The following CRYBG1 variants were observed in gnomAD, a reference collection of about 807,000 sequenced individuals.
CRYBG1 encodes crystallin beta-gamma domain containing 1.
A neutral mutation model predicts 189.2 loss-of-function variants in CRYBG1; 139 were observed. The ratio of observed to expected loss-of-function variants is 0.73; its 90% CI spans 0.64 to 0.85. The LOEUF (loss-of-function observed/expected upper bound fraction) is 0.85, where lower values mean the gene tolerates loss of function less well. Ranked by LOEUF, CRYBG1 falls within the 40% of genes least tolerant of loss-of-function variation. CRYBG1 has a pLI of 0.00. For synonymous variants in CRYBG1, 1,023 were observed against 1,017.1 expected (o/e 1.01, Z -0.11); for missense variants, 2,611 against 2,675.8 (o/e 0.98, Z 0.53).
intron 1 of CRYBG1, among the ~76,000 whole-genome samples, chr6:106,420,443 T>C (rs929560397): frequency 6.6e-6 from 1 of 152,192 alleles, no homozygotes; most frequent in African/African-American, 2.4e-5. Context: ...TTACATAAGA[T>C]AAACATGTGA....
intron 13 of CRYBG1, among the ~76,000 whole-genome samples, chr6:106,548,975 T>C (rs531655421): frequency 1.4e-5 from 2 of 145,904 alleles, no homozygotes; most frequent in African/African-American, 2.5e-5. Context: ...TTCCCACCTA[T>C]GAGTGAGAAC....
chr6:106,458,213 T>A (rs1049930478), intron 2 of CRYBG1, among the ~76,000 whole-genome samples: 3 of 152,262 alleles, frequency 2.0e-5, no homozygotes, highest in Non-Finnish European at 4.4e-5. Context: ...TCTGATGTGC[T>A]GTAAACTATG....
intron 2 of CRYBG1, among the ~76,000 whole-genome samples, chr6:106,486,658 C>A (rs937270965): frequency 1.3e-5 from 2 of 151,832 alleles, no homozygotes; most frequent in Non-Finnish European, 2.9e-5. Context: ...TGACTCAGTC[C>A]CTTTATCATT....
chr6:106,408,063 C>T (rs1770857510), intron 1 of CRYBG1, among the ~76,000 whole-genome samples: 1 of 152,038 alleles, frequency 6.6e-6, no homozygotes, highest in African/African-American at 2.4e-5. Context: ...AAAAACCCTT[C>T]AGAAAATCAA....
At chr6:106,567,538 G>A (rs1053289810) in intron 21 of CRYBG1, among the ~76,000 whole-genome samples, 14 of 152,134 alleles carry the variant, frequency 9.2e-5, no homozygotes, top group Non-Finnish European at 2.1e-4. Flanking sequence ...ATCCAAGGAG[G>A]AAGCATGCTT....
intron 2 of CRYBG1, among the ~76,000 whole-genome samples, chr6:106,468,172 G>A (rs1266190475): frequency 2.0e-5 from 3 of 152,204 alleles, no homozygotes; most frequent in Admixed American, 6.5e-5. Context: ...GATTTGGCAA[G>A]AAGAAGGATA....
chr6:106,486,180 A>G (rs1772589405), intron 2 of CRYBG1, among the ~76,000 whole-genome samples: 1 of 152,160 alleles, frequency 6.6e-6, no homozygotes, highest in Admixed American at 6.5e-5. Flanking sequence ...TGTCTCAAGA[A>G]ACTTTTAAAT....
At chr6:106,545,285 C>T (rs1647647532) in intron 13 of CRYBG1, among the ~76,000 whole-genome samples, 1 of 152,030 alleles carries the variant, frequency 6.6e-6, no homozygotes, top group Admixed American at 6.5e-5. Flanking sequence ...GGTCAAAGTC[C>T]CAGTAGATTT....
chr6:106,437,600 C>T (rs770338160), intron 1 of CRYBG1, among the ~76,000 whole-genome samples: 1 of 152,084 alleles, frequency 6.6e-6, no homozygotes, highest in East Asian at 1.9e-4. Context: ...TCACACTCAG[C>T]TGATTTTTGT....
intron 1 of CRYBG1, among the ~76,000 whole-genome samples, chr6:106,397,849 C>T (rs894826686): frequency 6.6e-6 from 1 of 152,132 alleles, no homozygotes; most frequent in Non-Finnish European, 1.5e-5. Flanking sequence ...TATATTTTTA[C>T]CTTTTGCTGG....
Position 106,543,593 on chromosome 6 carries a change from G to A in CRYBG1, c.5035G>A (p.Gly1679Ser), listed in dbSNP as rs147230945. 82 of 1,613,460 alleles carry A rather than the reference G, an allele frequency of 5.1e-5. No individual in the cohort carries two copies. The East Asian group carries it at 1.7e-3, about 34-fold the overall frequency. The change falls in exon 11 of 22, where the codon GGC becomes AGC. Residue 1679 changes from glycine (G) to serine (S), a missense_variant. Around this residue, in one of 3 missense-constraint regions of CRYBG1, gnomAD observed 1,622 missense variants for 1,735.0 expected, o/e 0.93. Coordinates refer to ENST00000633556, the MANE Select transcript of CRYBG1 (RefSeq NM_001371242.2). ...TSVGSMKVLRGIWVAYEKPGF... is the reference protein window; with the variant it reads ...TSVGSMKVLRSIWVAYEKPGF... ...AGTGGGGTCTATGAAAGTTCTAAGA[G>A]GCATGTAAGTACATGGGTGACTTGT... is the stretch of plus-strand genomic sequence containing the variant.
rs775674924 is a variant in CRYBG1 at position 106,551,838 on chromosome 6, C to T, written c.5313-14C>T. 1 of 1,610,066 alleles carries T rather than the reference C, an allele frequency of 6.2e-7. No individual in the cohort carries two copies. Among genetic ancestry groups the T allele is most frequent in the Non-Finnish European group, 8.5e-7 (1 of 1,177,122 alleles). ...AAATATGAACTCCAACAAGTGATTG[C>T]TTTTGTTTCTTAGATGGGTAGCCTA... On this transcript the variant is annotated splice_polypyrimidine_tract_variant and intron_variant, in intron 13 of 21. Coordinates refer to ENST00000633556, the MANE Select transcript of CRYBG1 (RefSeq NM_001371242.2).
chr6:106,401,165 A>G (rs1238763086), intron 1 of CRYBG1, among the ~76,000 whole-genome samples: 2 of 152,208 alleles, frequency 1.3e-5, no homozygotes, highest in African/African-American at 4.8e-5. Context: ...TAAAATTATG[A>G]AGATCCTCTT....
intron 1 of CRYBG1, among the ~76,000 whole-genome samples, chr6:106,383,149 A>G (rs1770318701): frequency 6.6e-6 from 1 of 152,228 alleles, no homozygotes; most frequent in Non-Finnish European, 1.5e-5. Flanking sequence ...TTAAAAGTAT[A>G]TGAAGATATT....
intron 1 of CRYBG1, among the ~76,000 whole-genome samples, chr6:106,406,188 C>T (rs1770818817): frequency 6.6e-6 from 1 of 152,054 alleles, no homozygotes; most frequent in Non-Finnish European, 1.5e-5. Context: ...ACATAAATAA[C>T]CTGATGGAGC....
At chr6:106,468,208 A>T (rs1452454593) in intron 2 of CRYBG1, among the ~76,000 whole-genome samples, 1 of 152,232 alleles carries the variant, frequency 6.6e-6, no homozygotes, top group African/African-American at 2.4e-5. Flanking sequence ...AGCTCTTGAC[A>T]GTTTCGGGAG....
chr6:106,537,879 T>A (rs1774040981), intron 8 of CRYBG1, among the ~76,000 whole-genome samples: 1 of 152,184 alleles, frequency 6.6e-6, no homozygotes, highest in South Asian at 2.1e-4. Context: ...TGGTTGTAAA[T>A]CTCTGTATAA....
At chr6:106,436,325 G>A (rs1260565416) in intron 1 of CRYBG1, among the ~76,000 whole-genome samples, 1 of 142,650 alleles carries the variant, frequency 7.0e-6, no homozygotes, top group Non-Finnish European at 1.5e-5. Context: ...TTGAGACGGA[G>A]TCTCGCTCTG....
chr6:106,458,465 A>G (rs985248271), intron 2 of CRYBG1, among the ~76,000 whole-genome samples: 19 of 152,036 alleles, frequency 1.2e-4, no homozygotes, highest in Non-Finnish European at 2.6e-4. Flanking sequence ...TGTACCTTGA[A>G]CTCAGTACTT....
Sources: gnomAD v4.1 joint callset for allele counts (sites outside exome capture counted in the v4.1 genomes callset) on GRCh38, gnomAD v4.1.1 for gene constraint, gnomAD v4.1.1 regional missense constraint, MANE v1.5 for transcripts, NCBI Gene and HGNC (gene_info 2026-07-23, HGNC 2026-07-21) for gene names.